Variants in BEST2 observed in about 807,000 individuals in gnomAD.
BEST2 encodes the protein bestrophin-2a.
In BEST2, 36 loss-of-function variants were observed where a neutral mutation model predicts 49.0. That is an observed-to-expected ratio of 0.73 (90% CI 0.56 to 0.97). The LOEUF is 0.97. BEST2 is among the 50% of genes least tolerant of loss of function. The pLI, the probability that BEST2 is intolerant of heterozygous loss-of-function variation, is 0.00. For synonymous variants in BEST2, 335 were observed against 304.4 expected (o/e 1.10, Z -1.05); for missense variants, 672 against 710.0 (o/e 0.95, Z 0.61).
chr19:12,754,985 G>T lies in BEST2; in HGVS notation c.590G>T (p.Arg197Leu), dbSNP rs762699876. The T allele has an allele frequency of 1.9e-6, 3 of 1,612,304 alleles. No individual in the cohort carries two copies. The highest frequency in any genetic ancestry group is 2.5e-6 in the Non-Finnish European group (3 of 1,179,464). Residue 197 changes from arginine to leucine, a missense_variant, in exon 5 of 10, where the codon CGC becomes CTC. Physicochemically the swap from Arg to Leu is moderately radical, Grantham distance 102. Transcript: ENST00000553030. ...WFSNLAAQAR[R>L]EGRIRDNSAL... Reference sequence around the variant, plus strand: ...TCCAACCTGGCGGCACAGGCCCGACGCGAGGGCCGCATCCGCGACAACAGC... The same window carrying T: ...TCCAACCTGGCGGCACAGGCCCGACTCGAGGGCCGCATCCGCGACAACAGC...
intron 1 of BEST2, 37 bp downstream of exon 1, chr19:12,751,876 T>TGAGGGAA (rs1967872606): frequency 6.6e-6 from 1 of 152,528 alleles, no homozygotes; most frequent in Admixed American, 6.5e-5. Flanking sequence ...TAGGGGGCCC[T>TGAGGGAA]GAGGGAAGAG....
chr19:12,753,212 G>A (rs1194346304), intron 2 of BEST2, 48 bp from the exon 3 acceptor site: 3 of 1,586,196 alleles, frequency 1.9e-6, no homozygotes, highest in African/African-American at 1.3e-5. Flanking sequence ...CTGAAGCTGG[G>A]GATGGAGTCA....
intron 2 of BEST2, 83 bp from the exon 3 acceptor site, chr19:12,753,177 G>T (rs904702476): frequency 4.8e-6 from 7 of 1,446,242 alleles, no homozygotes; most frequent in Non-Finnish European, 6.8e-6. Flanking sequence ...AAAGAAGCCA[G>T]GGTGAGGGGC....
At position 12,755,700 on chromosome 19, in the gene BEST2, A is replaced by G; in HGVS notation, c.800A>G (p.His267Arg). ...FLDPAQGYKD[H>R]DLDLCVPIFT... ...GACCCGGCTCAGGGTTACAAAGACC[A>G]CGACCTAGACCTGTGTGTGCCCATC... The change falls in exon 7 of 10, where the codon CAC becomes CGC. Residue 267 changes from histidine (H) to arginine (R), a missense_variant. Coordinates refer to ENST00000553030, the MANE Select transcript of BEST2 (RefSeq NM_017682.3). This position sits in a 1 kb window ranked among gnomAD's most constrained non-coding sequence, Gnocchi z 4.4. The G allele has an allele frequency of 6.2e-7, 1 of 1,613,968 alleles. No individual in the cohort carries two copies.
At chr19:12,753,162 T>C (rs958904354) in intron 2 of BEST2, 98 bp from the exon 3 acceptor site, 5 of 1,287,608 alleles carry the variant, frequency 3.9e-6, no homozygotes, top group Non-Finnish European at 5.6e-6. Context: ...GGGGCAGCTA[T>C]TATAAAAGAA....
chr19:12,752,049 A>G (rs1967874864), intron 1 of BEST2: 1 of 153,310 alleles, frequency 6.5e-6, no homozygotes, highest in Admixed American at 6.5e-5. Context: ...AGGCTGGGGC[A>G]GGGGGGCTAG....
In BEST2 at chr19:12,755,987, C is replaced by T; in HGVS notation, c.948+52C>T. The T allele has an allele frequency of 3.8e-6, 6 of 1,595,992 alleles. No homozygotes were observed. Among genetic ancestry groups the T allele is most frequent in the Non-Finnish European group, 5.2e-6 (6 of 1,164,110 alleles). ...TCCAGGTGGCGACCATCCCGGAGTG[C>T]CCAACAGGGTTCTGGTCCCACCCCT... On this transcript the variant is annotated intron_variant, in intron 8 of 9. Transcript: ENST00000553030. This position sits in a 1 kb window ranked among gnomAD's most constrained non-coding sequence, Gnocchi z 4.4.
In BEST2 at chr19:12,754,877, G is replaced by A. The variant is rs1967918612; in HGVS notation, c.482G>A (p.Gly161Glu). ...GCTATCCCTGACCCCTTTCCTCCAG[G>A]GTTTATGACCCGCGAGGAGCGCAAG... Reference protein sequence around the residue: ...FPTIDHVVEAGFMTREERKKF... With the variant: ...FPTIDHVVEAEFMTREERKKF... Residue 161 changes from glycine to glutamate, a missense_variant and splice_region_variant, in exon 5 of 10, where the codon GGG (glycine) becomes GAG (glutamate). Gly to Glu is a moderately conservative substitution (Grantham distance 98, BLOSUM62 -2). Around this residue, in one of 3 missense-constraint regions of BEST2, gnomAD observed 365 missense variants for 390.9 expected, o/e 0.93. Transcript: ENST00000553030. 1.2e-6 allele frequency: 2 copies of A among 1,611,508 alleles called. No homozygotes were observed. Among genetic ancestry groups the A allele is most frequent in the Non-Finnish European group, 1.7e-6 (2 of 1,178,932 alleles).
rs1365379560 is a variant in BEST2 at position 12,753,264 on chromosome 19, G to A, written c.157G>A (p.Val53Met). 25 of 1,614,180 alleles carry A rather than the reference G, an allele frequency of 1.5e-5. No homozygotes were observed. The highest frequency in any genetic ancestry group is 2.1e-5 in the Non-Finnish European group (25 of 1,180,014). The change falls in exon 3 of 10, where the codon GTG becomes ATG. Residue 53 changes from valine (V) to methionine (M), a missense_variant. Physicochemically the swap from Val to Met is conservative, Grantham distance 21. Coordinates refer to ENST00000553030, the MANE Select transcript of BEST2 (RefSeq NM_017682.3). ...CCCCTCATCTCTATCCCGCAGCTTT[G>A]TGCTGACCGAAGGGCAGAAGCGCTA... is the stretch of plus-strand genomic sequence containing the variant. ...YMALSAAYRF[V>M]LTEGQKRYFE... is the part of the protein sequence containing the mutation.
chr19:12,754,369 G>A (rs1472655531), intron 3 of BEST2, among the ~76,000 whole-genome samples, 183 bp from the exon 4 acceptor site: 1 of 152,088 alleles, frequency 6.6e-6, no homozygotes, highest in Admixed American at 6.6e-5. Flanking sequence ...ACCGCGCCCG[G>A]CAACTGTCCT....
At position 12,754,973 on chromosome 19, in the gene BEST2, C is replaced by T. The variant is rs1362172300; in HGVS notation, c.578C>T (p.Ala193Val). ...VPCVWFSNLA[A>V]QARREGRIRD... ...TGCGTCTGGTTCTCCAACCTGGCGG[C>T]ACAGGCCCGACGCGAGGGCCGCATC... The change falls in exon 5 of 10, where the codon GCA becomes GTA. Residue 193 changes from alanine (A) to valine (V), a missense_variant. Ala to Val is a moderately conservative substitution (Grantham distance 64). Transcript: ENST00000553030. The T allele has an allele frequency of 6.2e-7, 1 of 1,613,776 alleles. No homozygotes were observed. The highest frequency in any genetic ancestry group is 8.5e-7 in the Non-Finnish European group (1 of 1,179,888).
chr19:12,754,720 T>G lies in BEST2; in HGVS notation c.416T>G (p.Ile139Ser), dbSNP rs771687530. The G allele has an allele frequency of 5.7e-6, 9 of 1,592,578 alleles. No individual in the cohort carries two copies. In the Admixed American group the frequency reaches 1.6e-4, roughly 28 times the overall value. Reference protein sequence around the residue: ...MRYAGLSAVLILRSVSTAVFK... With the variant: ...MRYAGLSAVLSLRSVSTAVFK... ...TACGCAGGGCTCTCGGCCGTGCTCA[T>G]CCTGCGCTCCGTCAGCACCGCGGTG... is the stretch of plus-strand genomic sequence containing the variant. Residue 139 changes from isoleucine (I) to serine (S), a missense_variant, in exon 4 of 10, where the codon ATC becomes AGC. By Grantham distance (142) the Ile-to-Ser change is moderately radical (BLOSUM62 -2). Transcript: ENST00000553030.
chr19:12,757,309 G>A (rs1289663355), intron 9 of BEST2, among the ~76,000 whole-genome samples: 1 of 152,122 alleles, frequency 6.6e-6, no homozygotes, highest in African/African-American at 2.4e-5. Flanking sequence ...GTACTCAGGA[G>A]GCTGAGACAG....
chr19:12,754,592 G>A lies in BEST2; in HGVS notation c.288G>A (p.Gln96=), dbSNP rs1204714608. Residue 96 remains glutamine (Q), a synonymous_variant, in exon 4 of 10, where the codon CAG becomes CAA. Coordinates refer to ENST00000553030, the MANE Select transcript of BEST2 (RefSeq NM_017682.3). ...TGGTGGTGAACCGCTGGTGGAGCCA[G>A]TACCTATGCATGCCGCTGCCCGACG... ...VTLVVNRWWS[Q]YLCMPLPDAL... The A allele has an allele frequency of 1.9e-6, 3 of 1,561,674 alleles. No individual in the cohort carries two copies. The highest frequency in any genetic ancestry group is 1.8e-5 in the Admixed American group (1 of 54,442).
intron 9 of BEST2, 141 bp from the exon 10 acceptor site, chr19:12,757,510 A>G (rs1967959259): frequency 1.1e-6 from 1 of 893,048 alleles, no homozygotes; most frequent in South Asian, 1.8e-5. Context: ...GGGTGAGGCC[A>G]GGCTCTGGGT....
chr19:12,754,499 A>C, intron 3 of BEST2, 53 bp from the exon 4 acceptor site: 7 of 1,386,418 alleles, frequency 5.0e-6, no homozygotes, highest in Non-Finnish European at 5.7e-6. Context: ...CTGGGCCCCC[A>C]AACCCCTGGC....
rs746543024 is a variant in BEST2 at position 12,758,044 on chromosome 19, C to G, written c.1497C>G (p.Ser499Arg). ...GTCCGGCGCCACCCTGGCTGCCCAG[C>G]CCTATTGGCGAGGAGGAGGAGAATC... is the stretch of plus-strand genomic sequence containing the variant. The part of the protein sequence containing the change: ...PRGPAPPWLP[S>R]PIGEEEENLA The change falls in exon 10 of 10, where the codon AGC becomes AGG. Residue 499 changes from serine to arginine, a missense_variant. This residue lies in a region of BEST2 where 291 missense variants were observed against 279.8 expected (regional missense o/e 1.04). Transcript: ENST00000553030. The G allele has an allele frequency of 1.2e-6, 2 of 1,613,154 alleles. No individual in the cohort carries two copies. Among genetic ancestry groups the G allele is most frequent in the South Asian group, 1.1e-5 (1 of 91,012 alleles).
At chr19:12,753,217 G>T (rs1270097306) in intron 2 of BEST2, 43 bp from the exon 3 acceptor site, 1 of 1,592,942 alleles carries the variant, frequency 6.3e-7, no homozygotes, top group Non-Finnish European at 8.6e-7. Flanking sequence ...GCTGGGGATG[G>T]AGTCACCCTT....
rs1297419517 is a variant in BEST2 at position 12,753,340 on chromosome 19, T to C, written c.233T>C (p.Val78Ala). 1 of 1,614,090 alleles carries C rather than the reference T, an allele frequency of 6.2e-7. No individual in the cohort carries two copies. Among genetic ancestry groups the C allele is most frequent in the East Asian group, 2.2e-5 (1 of 44,878 alleles). The part of the protein sequence containing the change: ...YCDQYASLIP[V>A]SFVLGFYVTL... ...GACCAGTATGCCAGCCTCATCCCTG[T>C]CTCCTTCGTGCTTGGTGCGGTCCAA... The change falls in exon 3 of 10, where the codon GTC becomes GCC. Residue 78 changes from valine (V) to alanine (A), a missense_variant. By Grantham distance (64) the Val-to-Ala change is moderately conservative. This residue lies in a region of BEST2 where 365 missense variants were observed against 390.9 expected (regional missense o/e 0.93). Transcript: ENST00000553030.
Sources: allele counts gnomAD v4.1 joint callset (sites outside exome capture counted in the v4.1 genomes callset), GRCh38; gene constraint gnomAD v4.1.1; regional missense constraint gnomAD v4.1.1; non-coding constraint Gnocchi (gnomAD v3.1); transcripts MANE v1.5; gene names NCBI Gene and HGNC (gene_info 2026-07-23, HGNC 2026-07-21).